CTNND1: variants seen among roughly 807,000 people sequenced by gnomAD.
CTNND1 encodes the protein catenin delta-1.
In CTNND1, 16 loss-of-function variants were observed where a neutral mutation model predicts 112.1. That is an observed-to-expected ratio of 0.14 (90% CI 0.10 to 0.22). CTNND1 has a LOEUF of 0.22. CTNND1 is among the 10% of genes least tolerant of loss of function. The pLI, the probability that CTNND1 is intolerant of heterozygous loss-of-function variation, is 1.00. For synonymous variants in CTNND1, 420 were observed against 446.5 expected (o/e 0.94, Z 0.75); for missense variants, 1,008 against 1,257.0 (o/e 0.80, Z 3.00).
At chr11:57,773,661 G>A (rs1485705407) in intron 1 of CTNND1, among the ~76,000 whole-genome samples, 3 of 150,400 alleles carry the variant, frequency 2.0e-5, no homozygotes, top group African/African-American at 7.3e-5. Flanking sequence ...TTTTGGCTGG[G>A]TGCAGTGGCT....
chr11:57,778,246 T>C (rs968462441), intron 1 of CTNND1, among the ~76,000 whole-genome samples: 1 of 152,066 alleles, frequency 6.6e-6, no homozygotes. Flanking sequence ...GTCTTAGTAA[T>C]CAACTCTATG....
chr11:57,781,081 G>A (rs1306329288), intron 1 of CTNND1, among the ~76,000 whole-genome samples: 1 of 152,166 alleles, frequency 6.6e-6, no homozygotes, highest in Non-Finnish European at 1.5e-5. Context: ...TAGGATTACA[G>A]GCATCTGCCA....
rs1371378483 is a variant in CTNND1, at chr11:57,806,565, C to T, written c.1894+87C>T. 6 of 1,229,918 alleles carry T rather than the reference C, an allele frequency of 4.9e-6. No homozygotes were observed. In the East Asian group the frequency reaches 1.0e-4, roughly 21 times the overall value. The allele number at this position is 1,229,918 out of a possible 1,614,324, so 76.2% of individuals were successfully genotyped here. The stretch of plus-strand genomic sequence containing the variant: ...CCTAGTATGTCCTTGCCTAACCTTT[C>T]CCTGTCTATGCATGTAGGAAAGTTC... On this transcript the variant is annotated intron_variant, in intron 11 of 20. Transcript: ENST00000399050.
At chr11:57,803,139 G>A (rs148678077) in intron 7 of CTNND1, among the ~76,000 whole-genome samples, 11 of 152,180 alleles carry the variant, frequency 7.2e-5, no homozygotes, top group African/African-American at 2.4e-4. Context: ...ATGGAGTCTC[G>A]CTCTGTCACC....
chr11:57,790,766 G>A (rs909522705), intron 2 of CTNND1, among the ~76,000 whole-genome samples: 1 of 151,770 alleles, frequency 6.6e-6, no homozygotes, highest in Non-Finnish European at 1.5e-5. Flanking sequence ...CACTATGTTG[G>A]CCAGACTGGT....
At chr11:57,773,892 G>A (rs1953475436) in intron 1 of CTNND1, among the ~76,000 whole-genome samples, 1 of 152,034 alleles carries the variant, frequency 6.6e-6, no homozygotes, top group Non-Finnish European at 1.5e-5. Flanking sequence ...CATTGAGATT[G>A]CACTATTGCA....
chr11:57,773,703 G>C (rs1039306043), intron 1 of CTNND1, among the ~76,000 whole-genome samples: 6 of 151,318 alleles, frequency 4.0e-5, no homozygotes, highest in Non-Finnish European at 5.9e-5. Context: ...TTGGGAAGCT[G>C]AGGTGGGCGG....
At chr11:57,804,120 G>C (rs146082478) in intron 8 of CTNND1, 75 of 215,156 alleles carry the variant, frequency 3.5e-4, no homozygotes, top group Middle Eastern at 1.7e-3. Flanking sequence ...ACTTGTGTGT[G>C]TCTATGTCCT....
Position 57,767,021 on chromosome 11 carries a change from G to A in CTNND1, c.-214+4902G>A, listed in dbSNP as rs536953658. On this transcript the variant is annotated intron_variant, in intron 1 of 20. Coordinates refer to ENST00000399050, the MANE Select transcript of CTNND1 (RefSeq NM_001085458.2). ...GAGTCTTGCTCTGTTGTCCAGGCTG[G>A]AGTGCAGTGGCACGATCTCAGCTCA... 8.8e-4 allele frequency among the ~76,000 whole-genome samples: 134 copies of A among 151,598 alleles called. 1 individual carries two copies. The highest frequency in any genetic ancestry group is 3.0e-3 in the African/African-American group (124 of 41,298).
intron 11 of CTNND1, 50 bp downstream of exon 11, chr11:57,806,528 G>T: frequency 1.3e-6 from 2 of 1,526,742 alleles, no homozygotes; most frequent in South Asian, 1.2e-5. Context: ...TGCATGTTTT[G>T]ATTTTAGCTT....
In CTNND1 at chr11:57,796,937, G is replaced by T; in HGVS notation, c.901G>T (p.Asp301Tyr). The T allele has an allele frequency of 6.4e-7, 1 of 1,553,754 alleles. No individual in the cohort carries two copies. The highest frequency in any genetic ancestry group is 8.7e-7 in the Non-Finnish European group (1 of 1,143,036). Reference sequence around the variant, plus strand: ...TGACCTGGATTATGGTATGATGTCTGATTATGGCACTGCCCGTCGGACTGG... The same window carrying T: ...TGACCTGGATTATGGTATGATGTCTTATTATGGCACTGCCCGTCGGACTGG... The part of the protein sequence containing the change: ...YDDLDYGMMS[D>Y]YGTARRTGTP... Residue 301 changes from aspartate to tyrosine, a missense_variant, in exon 6 of 21, where the codon GAT becomes TAT. Around this residue, in one of 5 missense-constraint regions of CTNND1, gnomAD observed 404 missense variants for 457.9 expected, o/e 0.88. Coordinates refer to ENST00000399050, the MANE Select transcript of CTNND1 (RefSeq NM_001085458.2).
At chr11:57,810,046 A>G in intron 15 of CTNND1, 63 bp from the exon 16 acceptor site, 1 of 1,256,348 alleles carries the variant, frequency 8.0e-7, no homozygotes, top group Non-Finnish European at 1.1e-6. Flanking sequence ...TAGAGGATAT[A>G]GGGTCTAAGC....
intron 1 of CTNND1, among the ~76,000 whole-genome samples, chr11:57,763,036 T>C (rs1287670531): frequency 6.6e-6 from 1 of 152,084 alleles, no homozygotes; most frequent in Non-Finnish European, 1.5e-5. Flanking sequence ...ACAAGGGAGA[T>C]TTTTATTTTT....
At chr11:57,802,490 G>T (rs1380087232) in intron 7 of CTNND1, among the ~76,000 whole-genome samples, 2 of 152,170 alleles carry the variant, frequency 1.3e-5, no homozygotes, top group African/African-American at 4.8e-5. Flanking sequence ...AGCAGTATTT[G>T]GTCTGAACTG....
intron 1 of CTNND1, among the ~76,000 whole-genome samples, chr11:57,771,576 AAGG>A (rs1952633205): frequency 1.3e-5 from 2 of 152,058 alleles, no homozygotes; most frequent in South Asian, 4.1e-4. Flanking sequence ...GAGGGGAGGG[AAGG>A]AGAAGTAAGA....
intron 17 of CTNND1, among the ~76,000 whole-genome samples, 199 bp downstream of exon 17, chr11:57,811,685 G>C (rs2063373842): frequency 6.6e-6 from 1 of 152,200 alleles, no homozygotes; most frequent in Admixed American, 6.5e-5. Context: ...TAATTAGCCT[G>C]AATGTGATTC....
chr11:57,777,965 C>G (rs760649538), intron 1 of CTNND1, among the ~76,000 whole-genome samples: 3 of 152,262 alleles, frequency 2.0e-5, no homozygotes, highest in Non-Finnish European at 2.9e-5. Context: ...CTCATTCTTG[C>G]AGTTAGTGGA....
At chr11:57,792,256 C>T (rs1163894221) in intron 3 of CTNND1, among the ~76,000 whole-genome samples, 1 of 152,194 alleles carries the variant, frequency 6.6e-6, no homozygotes. Flanking sequence ...GCTGTTTAAC[C>T]CAAATAACCA....
chr11:57,800,166 C>G (rs889595589), intron 6 of CTNND1, among the ~76,000 whole-genome samples: 9 of 151,494 alleles, frequency 5.9e-5, no homozygotes, highest in African/African-American at 2.2e-4. Flanking sequence ...GGGGTGGATG[C>G]AAAAGTGATA....
Sources: gnomAD v4.1 joint callset for allele counts (sites outside exome capture counted in the v4.1 genomes callset) on GRCh38, gnomAD v4.1.1 for gene constraint, gnomAD v4.1.1 regional missense constraint, MANE v1.5 for transcripts, NCBI Gene and HGNC (gene_info 2026-07-23, HGNC 2026-07-21) for gene names.